ZNF451: variants seen among roughly 807,000 people sequenced by gnomAD.
ZNF451 encodes the protein zinc finger protein 451.
ZNF451 carries 80 observed loss-of-function variants against 107.1 expected under a neutral mutation model. The ratio of observed to expected loss-of-function variants is 0.75; its 90% confidence interval spans 0.62 to 0.90. The LOEUF is 0.90. ZNF451 is among the 40% of genes least tolerant of loss of function. The pLI is 0.00. For synonymous variants in ZNF451, 362 were observed against 406.5 expected, an observed-to-expected ratio of 0.89 and a Z score of 1.32; for missense variants, 1,107 against 1,236.2, an observed-to-expected ratio of 0.90 and a Z score of 1.57.
chr6:57,159,523 G>C, intron 13 of ZNF451: 5 of 186,936 alleles, frequency 2.7e-5, no homozygotes, highest in Non-Finnish European at 4.6e-5. Context: ...AACATTATAA[G>C]AGTTTTTTTT....
At chr6:57,113,118 G>A (rs988924993) in intron 3 of ZNF451, among the ~76,000 whole-genome samples, 2 of 152,046 alleles carry the variant, frequency 1.3e-5, no homozygotes, top group African/African-American at 2.4e-5. Flanking sequence ...CGTGGTAACC[G>A]ATTGTTATTT....
chr6:57,166,966 A>G (rs1421253469), intron 14 of ZNF451, among the ~76,000 whole-genome samples: 2 of 152,178 alleles, frequency 1.3e-5, no homozygotes, highest in African/African-American at 4.8e-5. Flanking sequence ...ATAGTCTTTC[A>G]GCTGGCAAGT....
chr6:57,161,140 A>C lies in ZNF451; in HGVS notation c.3127A>C (p.Ile1043Leu). 1 of 1,531,344 alleles carries C rather than the reference A, an allele frequency of 6.5e-7. No individual in the cohort carries two copies. The allele number at this position is 1,531,344 out of a possible 1,614,324, so 94.9% of individuals were successfully genotyped here. The change falls in exon 14 of 15, where the codon ATA (isoleucine) becomes CTA (leucine). Residue 1043 changes from isoleucine to leucine, a missense_variant. Coordinates refer to ENST00000370706, the MANE Select transcript of ZNF451 (RefSeq NM_001031623.3). ...AAATACTTCAATAGGAGAAGAATTT[A>C]TATCCACAGAAGGTAACCTAATAGA... ...AKNTSIGEEF[I>L]STEDVELEEA...
intron 5 of ZNF451, among the ~76,000 whole-genome samples, chr6:57,130,805 T>A (rs1831146499): frequency 1.3e-5 from 2 of 152,168 alleles, no homozygotes; most frequent in Non-Finnish European, 2.9e-5. Flanking sequence ...TTTCTCTGCC[T>A]TTCAGTACTG....
rs1486978686 is a variant in ZNF451 at position 57,133,097 on chromosome 6, C to T, written c.480C>T (p.Gly160=). 3 of 1,614,102 alleles carry T rather than the reference C, an allele frequency of 1.9e-6. No homozygotes were observed. The highest frequency in any genetic ancestry group is 2.5e-6 in the Non-Finnish European group (3 of 1,179,998). ...CGTKSSFRRG[G]HTWVSGKPIL... ...CAAAAAGTTCATTCCGAAGAGGAGGCCACACGTGGGTGTCTGGGAAACCAA... is the reference window on the plus strand; with the variant it reads ...CAAAAAGTTCATTCCGAAGAGGAGGTCACACGTGGGTGTCTGGGAAACCAA... Residue 160 remains glycine, a synonymous_variant, in exon 6 of 15, where the codon GGC becomes GGT. Transcript: ENST00000370706.
chr6:57,125,018 A>G (rs1830863800), intron 4 of ZNF451, among the ~76,000 whole-genome samples, 159 bp downstream of exon 4: 1 of 152,146 alleles, frequency 6.6e-6, no homozygotes, highest in South Asian at 2.1e-4. Context: ...AGCTTTTTAC[A>G]TCTATTTTTA....
At chr6:57,117,322 G>C (rs1402745025) in intron 3 of ZNF451, among the ~76,000 whole-genome samples, 1 of 45,512 alleles carries the variant, frequency 2.2e-5, no homozygotes. Context: ...TTGGATTTTA[G>C]AGCATTTTTT....
intron 3 of ZNF451, among the ~76,000 whole-genome samples, chr6:57,117,706 T>A (rs1562601709): frequency 6.6e-6 from 1 of 152,154 alleles, no homozygotes; most frequent in Non-Finnish European, 1.5e-5. Context: ...GCATCAAGAG[T>A]ATATGCAAAG....
chr6:57,104,611 A>G, intron 3 of ZNF451: 2 of 985,354 alleles, frequency 2.0e-6, no homozygotes, highest in Non-Finnish European at 2.4e-6. Flanking sequence ...GTTAAAAAAA[A>G]AGAAAAAAAA....
intron 3 of ZNF451, among the ~76,000 whole-genome samples, chr6:57,100,133 C>T (rs1014866767): frequency 1.3e-5 from 2 of 150,020 alleles, no homozygotes; most frequent in African/African-American, 4.8e-5. Context: ...TTCAGAGGTG[C>T]CTAAAATGAC....
At chr6:57,141,797 G>A in intron 8 of ZNF451, 151 bp from the exon 9 acceptor site, 1 of 668,698 alleles carries the variant, frequency 1.5e-6, no homozygotes, top group Non-Finnish European at 2.4e-6. Context: ...TGTATTTAAG[G>A]CTAGAAAGTG....
At chr6:57,097,858 A>G (rs1252597550) in intron 2 of ZNF451, among the ~76,000 whole-genome samples, 1 of 152,060 alleles carries the variant, frequency 6.6e-6, no homozygotes. Context: ...AAGTTATACT[A>G]TTGGCATTAC....
At chr6:57,112,492 G>A (rs1362052986) in intron 3 of ZNF451, among the ~76,000 whole-genome samples, 3 of 152,160 alleles carry the variant, frequency 2.0e-5, no homozygotes, top group African/African-American at 7.2e-5. Flanking sequence ...TGATGTTCAG[G>A]GAGATATTAT....
At chr6:57,134,447 C>G (rs142644565) in intron 6 of ZNF451, among the ~76,000 whole-genome samples, 1 of 152,180 alleles carries the variant, frequency 6.6e-6, no homozygotes, top group Non-Finnish European at 1.5e-5. Context: ...GCTGGACTTA[C>G]AATTTTCAAA....
At chr6:57,107,641 A>G (rs1829927034) in intron 3 of ZNF451, 2 of 985,256 alleles carry the variant, frequency 2.0e-6, no homozygotes, top group Admixed American at 6.2e-5. Flanking sequence ...CGTAGATGTT[A>G]AGGGCTTTAC....
rs972792323 is a variant in ZNF451, at chr6:57,124,456, C to G, written c.187-278C>G. 7 of 716,612 alleles carry G rather than the reference C, an allele frequency of 9.8e-6. No individual in the cohort carries two copies. The African/African-American group carries it at 1.2e-4, about 13-fold the overall frequency. 44.4% of individuals were successfully genotyped at this position (716,612 alleles called of 1,614,324 possible). On this transcript the variant is annotated intron_variant, in intron 3 of 14. Transcript: ENST00000370706. ...GTCGGCGCTTTGCCTGATGACCCTACCTCTCTGACAGATCTGAGAAGAGTT... is the reference window on the plus strand; with the variant it reads ...GTCGGCGCTTTGCCTGATGACCCTAGCTCTCTGACAGATCTGAGAAGAGTT...
At chr6:57,101,849 C>G in intron 3 of ZNF451, 1 of 1,550,510 alleles carries the variant, frequency 6.4e-7, no homozygotes, top group Non-Finnish European at 8.7e-7. Context: ...TCCCACTTGC[C>G]CTTTGATGGT....
intron 2 of ZNF451, among the ~76,000 whole-genome samples, chr6:57,092,271 AG>A (rs1157829634): frequency 2.6e-5 from 4 of 152,260 alleles, no homozygotes; most frequent in Admixed American, 1.3e-4. Flanking sequence ...AATGAATTAC[AG>A]TGTAGCTTGT....
At chr6:57,096,680 T>C (rs936028613) in intron 2 of ZNF451, among the ~76,000 whole-genome samples, 5 of 151,964 alleles carry the variant, frequency 3.3e-5, no homozygotes, top group African/African-American at 9.7e-5. Context: ...TGCATATTTC[T>C]TGTAGAGAGC....
Sources: gnomAD v4.1 joint callset for allele counts (sites outside exome capture counted in the v4.1 genomes callset) on GRCh38, gnomAD v4.1.1 for gene constraint, MANE v1.5 for transcripts, NCBI Gene and HGNC (gene_info 2026-07-23, HGNC 2026-07-21) for gene names.